KCNT1: variants seen among roughly 807,000 people sequenced by gnomAD.
KCNT1 encodes the protein potassium channel subfamily T member 1.
In KCNT1, 78 loss-of-function variants were observed where a neutral mutation model predicts 147.8. That is an observed-to-expected ratio of 0.53 (90% CI 0.44 to 0.64). The LOEUF is 0.64. KCNT1 is among the 30% of genes least tolerant of loss of function. KCNT1 has a pLI of 0.00. For missense variants in KCNT1, 1,419 were observed against 1,750.3 expected, an observed-to-expected ratio of 0.81 and a Z score of 3.38; for synonymous variants, 867 against 748.8, an observed-to-expected ratio of 1.16 and a Z score of -2.58.
At chr9:135,783,407 G>A (rs1240881044) in intron 24 of KCNT1, among the ~76,000 whole-genome samples, 1 of 149,010 alleles carries the variant, frequency 6.7e-6, no homozygotes, top group Non-Finnish European at 1.5e-5. Context: ...GCCTCCAGAG[G>A]GAGCGGGGCC....
chr9:135,764,493 G>A (rs573383998), intron 11 of KCNT1, among the ~76,000 whole-genome samples: 3 of 152,220 alleles, frequency 2.0e-5, no homozygotes, highest in African/African-American at 7.2e-5. Context: ...TTCACCTAGA[G>A]GCCAGTGGGG....
intron 23 of KCNT1, among the ~76,000 whole-genome samples, chr9:135,779,123 C>T (rs1833410010): frequency 6.9e-6 from 1 of 143,982 alleles, no homozygotes; most frequent in Non-Finnish European, 1.5e-5. Flanking sequence ...CGACCACAAG[C>T]CCTCCACCCT....
At chr9:135,704,887 G>A (rs1295212093) in intron 1 of KCNT1, among the ~76,000 whole-genome samples, 4 of 152,218 alleles carry the variant, frequency 2.6e-5, no homozygotes, top group Admixed American at 6.5e-5. Context: ...CAGGAGGGAC[G>A]GCTCAGGCCA....
chr9:135,770,217 G>C, intron 16 of KCNT1, 81 bp from the exon 17 acceptor site: 1 of 1,502,808 alleles, frequency 6.7e-7, no homozygotes, highest in African/African-American at 1.4e-5. Flanking sequence ...GAAGCAGAGG[G>C]GGGCACCTGC....
At chr9:135,707,167 C>T (rs879924929) in intron 1 of KCNT1, among the ~76,000 whole-genome samples, 1 of 152,024 alleles carries the variant, frequency 6.6e-6, no homozygotes, top group Admixed American at 6.6e-5. Context: ...AGGCCCGGTG[C>T]ACCCCTGCAG....
Position 135,733,189 on chromosome 9 carries a change from GCACCTGCCCCCA to G in KCNT1, c.255-16900_255-16889del, listed in dbSNP as rs1392014547. On this transcript the variant is annotated intron_variant, in intron 2 of 30. Coordinates refer to ENST00000371757, the MANE Select transcript of KCNT1 (RefSeq NM_020822.3). ...TAGTGCAGCCCTCATACCTGCCCCC[GCACCTGCCCCCA>G]CACCTGCCTTCACACCTGCCCCCAC... Among the ~76,000 whole-genome samples the G allele has an allele frequency of 1.2e-4, 9 of 72,248 alleles. No individual in the cohort carries two copies. The East Asian group carries it at 1.5e-3, about 12-fold the overall frequency. 47.4% of individuals were successfully genotyped at this position (72,248 alleles called of 152,430 possible).
intron 2 of KCNT1, among the ~76,000 whole-genome samples, chr9:135,738,715 C>T (rs138601755): frequency 2.0e-5 from 3 of 152,256 alleles, no homozygotes; most frequent in South Asian, 2.1e-4. Flanking sequence ...GGTGCCCCTG[C>T]CCAGAGCTCC....
Position 135,777,377 on chromosome 9 carries a change from G to C in KCNT1, c.2389G>C (p.Gly797Arg), listed in dbSNP as rs1233102018. 6.2e-7 allele frequency: 1 copy of C among 1,614,070 alleles called. No homozygotes were observed. The highest frequency in any genetic ancestry group is 2.2e-5 in the East Asian group (1 of 44,884). Reference sequence around the variant, plus strand: ...CAGCTATGAAGACGCCAAGGCCTACGGGTTCAAGAACAAGCTGATCATCGT... The same window carrying C: ...CAGCTATGAAGACGCCAAGGCCTACCGGTTCAAGAACAAGCTGATCATCGT... ...HNSYEDAKAYGFKNKLIIVSA... is the reference protein window; with the variant it reads ...HNSYEDAKAYRFKNKLIIVSA... Residue 797 changes from glycine (G) to arginine (R), a missense_variant, in exon 21 of 31, where the codon GGG (glycine) becomes CGG (arginine). Coordinates refer to ENST00000371757, the MANE Select transcript of KCNT1 (RefSeq NM_020822.3).
In KCNT1 at chr9:135,730,990, TAAAAAAA is replaced by T. The variant is rs56307359; in HGVS notation, c.254+16287_254+16293del. ...AACAAAGTGAGATCCCGTCTCAAGG[TAAAAAAA>T]AAAAAAAAAAAAAAAAGTGTGGTTT... On this transcript the variant is annotated intron_variant, in intron 2 of 30. Coordinates refer to ENST00000371757, the MANE Select transcript of KCNT1 (RefSeq NM_020822.3). The surrounding 1 kb of genome is among the most constrained non-coding windows in gnomAD (Gnocchi z 4.7). Among the ~76,000 whole-genome samples, 4 of 85,594 alleles carry T rather than the reference TAAAAAAA, an allele frequency of 4.7e-5. No homozygotes were observed. The highest frequency in any genetic ancestry group is 1.4e-4 in the Admixed American group (1 of 7,070). The allele number at this position is 85,594 out of a possible 152,430, so 56.2% of individuals were successfully genotyped here.
At chr9:135,783,636 G>A (rs1170676247) in intron 24 of KCNT1, among the ~76,000 whole-genome samples, 4 of 152,338 alleles carry the variant, frequency 2.6e-5, no homozygotes, top group Admixed American at 6.5e-5. Flanking sequence ...GACTCCACAC[G>A]CCCTCCGGCA....
At chr9:135,747,477 T>C (rs1383897009) in intron 2 of KCNT1, among the ~76,000 whole-genome samples, 1 of 152,074 alleles carries the variant, frequency 6.6e-6, no homozygotes, top group Non-Finnish European at 1.5e-5. Flanking sequence ...GCCTCAGCCC[T>C]GCCTGCCCCC....
chr9:135,763,204 C>T (rs748095935), intron 11 of KCNT1, among the ~76,000 whole-genome samples: 2 of 152,206 alleles, frequency 1.3e-5, no homozygotes, highest in Non-Finnish European at 2.9e-5. Flanking sequence ...ACAGTGATGC[C>T]GCTGACCCCA....
intron 2 of KCNT1, among the ~76,000 whole-genome samples, chr9:135,716,743 G>A (rs1321089989): frequency 1.3e-5 from 2 of 152,270 alleles, no homozygotes; most frequent in Admixed American, 6.5e-5. Context: ...GCTAGCTAGT[G>A]CGTGGCTGTG....
intron 2 of KCNT1, among the ~76,000 whole-genome samples, chr9:135,746,582 C>A (rs1391221472): frequency 6.6e-6 from 1 of 152,208 alleles, no homozygotes; most frequent in East Asian, 1.9e-4. Context: ...CAGGGGGACG[C>A]ATTGGCTTCG....
At position 135,770,945 on chromosome 9, in the gene KCNT1, G is replaced by A; in HGVS notation, c.1858G>A (p.Asp620Asn). 1.7e-5 allele frequency: 28 copies of A among 1,613,620 alleles called. No individual in the cohort carries two copies. Among genetic ancestry groups the A allele is most frequent in the Non-Finnish European group, 2.2e-5 (26 of 1,179,812 alleles). ...GCCCCGGCACATCCTGGCCGCCTCT[G>A]ACACCTGCTTCTACATCAACATCAC... is the stretch of plus-strand genomic sequence containing the variant. ...PGPRHILAAS[D>N]TCFYINITKE... Residue 620 changes from aspartate (D) to asparagine (N), a missense_variant, in exon 18 of 31, where the codon GAC becomes AAC. Coordinates refer to ENST00000371757, the MANE Select transcript of KCNT1 (RefSeq NM_020822.3).
At chr9:135,708,298 C>T (rs945965822) in intron 1 of KCNT1, among the ~76,000 whole-genome samples, 4 of 152,240 alleles carry the variant, frequency 2.6e-5, no homozygotes, top group African/African-American at 4.8e-5. Context: ...ATTGTACATA[C>T]ATGCATGCAA....
At position 135,714,540 on chromosome 9, in the gene KCNT1, C is replaced by T; in HGVS notation, c.111-37C>T. 1.9e-6 allele frequency: 2 copies of T among 1,050,274 alleles called. No homozygotes were observed. Among genetic ancestry groups the T allele is most frequent in the Non-Finnish European group, 2.3e-6 (2 of 872,658 alleles). 65.1% of individuals were successfully genotyped at this position (1,050,274 alleles called of 1,614,324 possible). Reference sequence around the variant, plus strand: ...GGGCTGCGCGCGTCCGCGAGGGCGCCCGACGCGGGCTGAGGGGCGCTGGCG... The same window carrying T: ...GGGCTGCGCGCGTCCGCGAGGGCGCTCGACGCGGGCTGAGGGGCGCTGGCG... On this transcript the variant is annotated intron_variant, in intron 1 of 30. Transcript: ENST00000371757. The surrounding 1 kb of genome is among the most constrained non-coding windows in gnomAD (Gnocchi z 6.2).
At chr9:135,785,875 C>A (rs2088365386) in intron 28 of KCNT1, 2 of 472,110 alleles carry the variant, frequency 4.2e-6, no homozygotes, top group African/African-American at 2.0e-5. Flanking sequence ...CAGATGGGTC[C>A]CAGGCCGGAC....
chr9:135,733,902 C>T (rs1830229780), intron 2 of KCNT1, among the ~76,000 whole-genome samples: 1 of 151,292 alleles, frequency 6.6e-6, no homozygotes, highest in Non-Finnish European at 1.5e-5. Flanking sequence ...TCTTCCCCAC[C>T]TTGGGGTGTC....
Sources: allele counts gnomAD v4.1 joint callset (sites outside exome capture counted in the v4.1 genomes callset), GRCh38; gene constraint gnomAD v4.1.1; non-coding constraint Gnocchi (gnomAD v3.1); transcripts MANE v1.5; gene names NCBI Gene and HGNC (gene_info 2026-07-23, HGNC 2026-07-21).